Variants in PPIP5K1 observed in about 807,000 individuals in gnomAD.
The protein encoded by PPIP5K1 is diphosphoinositol pentakisphosphate kinase 1.
PPIP5K1 carries 6 observed loss-of-function variants against 27.7 expected under a neutral mutation model. The observed-to-expected ratio is 0.22, with a 90% CI of 0.12 to 0.43. The LOEUF is 0.43. PPIP5K1 is among the 20% of genes least tolerant of loss of function. PPIP5K1 has a pLI of 1.00. For synonymous variants in PPIP5K1, 145 were observed against 242.6 expected (o/e 0.60, Z 3.74); for missense variants, 394 against 635.4 (o/e 0.62, Z 4.08).
Position 43,535,118 on chromosome 15 carries a change from G to C in PPIP5K1, c.4029C>G (p.Ser1343Arg). 1 of 1,613,486 alleles carries C rather than the reference G, an allele frequency of 6.2e-7. No homozygotes were observed. Among genetic ancestry groups the C allele is most frequent in the Non-Finnish European group, 8.5e-7 (1 of 1,179,846 alleles). Reference protein sequence around the residue: ...SQPCQKVPDISQQCQENHDNG... With the variant: ...SQPCQKVPDIRQQCQENHDNG... ...TGTCATGGTTCTCCTGGCATTGCTG[G>C]CTGATGTCAGGGACCTTCTGACATG... Residue 1343 changes from serine (S) to arginine (R), a missense_variant, in exon 32 of 32, where the codon AGC becomes AGG. Physicochemically the swap from Ser to Arg is moderately radical, Grantham distance 110 (BLOSUM62 -1). Coordinates refer to ENST00000420765, the MANE Select transcript of PPIP5K1 (RefSeq NM_001394395.1).
At chr15:43,551,451 G>A (rs1473162649) in intron 30 of PPIP5K1, among the ~76,000 whole-genome samples, 2 of 147,902 alleles carry the variant, frequency 1.4e-5, no homozygotes, top group South Asian at 4.4e-4. Flanking sequence ...GTAGGAGGCA[G>A]AGATTGCAGT....
chr15:43,535,211 G>T lies in PPIP5K1; in HGVS notation c.3936C>A (p.Ser1312Arg). 6.2e-7 allele frequency: 1 copy of T among 1,614,144 alleles called. No individual in the cohort carries two copies. Among genetic ancestry groups the T allele is most frequent in the Non-Finnish European group, 8.5e-7 (1 of 1,180,008 alleles). Residue 1312 changes from serine (S) to arginine (R), a missense_variant, in exon 32 of 32, where the codon AGC becomes AGA. Coordinates refer to ENST00000420765, the MANE Select transcript of PPIP5K1 (RefSeq NM_001394395.1). ...METSQPYEEV[S>R]QPCQEVPDIS... ...TGTCAGGGACCTCCTGACATGGCTG[G>T]CTGACCTCCTCGTATGGCTGGCTGG...
intron 28 of PPIP5K1, among the ~76,000 whole-genome samples, chr15:43,561,392 CT>C (rs549260588): frequency 7.3e-5 from 4 of 55,118 alleles, no homozygotes; most frequent in East Asian, 1.2e-3. Flanking sequence ...TCTAACTGCA[CT>C]TTTTTCAGCT....
intron 31 of PPIP5K1, among the ~76,000 whole-genome samples, chr15:43,535,803 G>A (rs1166494303): frequency 6.6e-6 from 1 of 152,168 alleles, no homozygotes; most frequent in Non-Finnish European, 1.5e-5. Flanking sequence ...TACTTTGGAA[G>A]CATATGAATA....
chr15:43,539,608 AG>A (rs1193276910), intron 30 of PPIP5K1, 25 bp from the exon 31 acceptor site: 1 of 1,432,362 alleles, frequency 7.0e-7, no homozygotes. Flanking sequence ...GGGTGAAGGG[AG>A]AGGGAAGAAA....
At chr15:43,579,423 CGTATGTGT>C (rs1389648469) in intron 10 of PPIP5K1, among the ~76,000 whole-genome samples, 6 of 113,982 alleles carry the variant, frequency 5.3e-5, no homozygotes, top group East Asian at 3.0e-4. Flanking sequence ...CACACACACA[CGTATGTGT>C]ACATACACAC....
chr15:43,536,647 G>T (rs927835779), intron 31 of PPIP5K1, among the ~76,000 whole-genome samples: 1 of 152,086 alleles, frequency 6.6e-6, no homozygotes, highest in Admixed American at 6.6e-5. Flanking sequence ...GAGTTAAGAC[G>T]CTTGTAAGTC....
intron 31 of PPIP5K1, 95 bp from the exon 32 acceptor site, chr15:43,535,571 C>G: frequency 9.9e-7 from 1 of 1,013,942 alleles, no homozygotes; most frequent in Non-Finnish European, 1.4e-6. Flanking sequence ...TTGGCCTATG[C>G]TACTTATGTC....
At position 43,579,653 on chromosome 15, in the gene PPIP5K1, A is replaced by AT. The variant is rs1179725070; in HGVS notation, c.1062-534dup. On this transcript the variant is annotated intron_variant, in intron 10 of 31. Transcript: ENST00000420765. ...TGTGTATATATATATATATATATAT[A>AT]TTTTTTTTTTTTTTTTTTTTTTTTT... Among the ~76,000 whole-genome samples, 164 of 28,790 alleles carry AT rather than the reference A, an allele frequency of 5.7e-3. 22 individuals carry two copies. The highest frequency in any genetic ancestry group is 7.6e-3 in the Non-Finnish European group (154 of 20,146). 18.9% of individuals were successfully genotyped at this position (28,790 alleles called of 152,430 possible).
At position 43,551,851 on chromosome 15, in the gene PPIP5K1, T is replaced by C. The variant is rs544645620; in HGVS notation, c.3556+6944A>G. Reference sequence around the variant, plus strand: ...ATCTCCTGACCTCGTGATCCGCCCATCTCGACCTCCCAAAGTGCTGGGATT... The same window carrying C: ...ATCTCCTGACCTCGTGATCCGCCCACCTCGACCTCCCAAAGTGCTGGGATT... On this transcript the variant is annotated intron_variant, in intron 30 of 31. Transcript: ENST00000420765. Among the ~76,000 whole-genome samples, 282 of 152,102 alleles carry C rather than the reference T, an allele frequency of 1.9e-3. 3 individuals are homozygous for C. The highest frequency in any genetic ancestry group is 2.7e-3 in the Non-Finnish European group (186 of 67,990).
intron 30 of PPIP5K1, among the ~76,000 whole-genome samples, chr15:43,554,979 G>C (rs1024980500): frequency 1.8e-4 from 27 of 151,988 alleles, no homozygotes; most frequent in African/African-American, 6.0e-4. Flanking sequence ...GGGATTACAG[G>C]TGCCTGCCAC....
intron 30 of PPIP5K1, among the ~76,000 whole-genome samples, chr15:43,551,952 G>A (rs1247029251): frequency 6.7e-6 from 1 of 150,172 alleles, no homozygotes; most frequent in Non-Finnish European, 1.5e-5. Context: ...GTGTCATAAA[G>A]TATAAATTAG....
At position 43,535,392 on chromosome 15, in the gene PPIP5K1, C is replaced by A. The variant is rs2079702922; in HGVS notation, c.3755G>T (p.Ser1252Ile). ...TVDGNSQFGF[S>I]DQPSLNSHVA... The stretch of plus-strand genomic sequence containing the variant: ...GTGTGAATTTAGGGAGGGTTGATCA[C>A]TGAAGCCAAATTGGGAGTTACCATC... Residue 1252 changes from serine (S) to isoleucine (I), a missense_variant, in exon 32 of 32, where the codon AGT becomes ATT. Coordinates refer to ENST00000420765, the MANE Select transcript of PPIP5K1 (RefSeq NM_001394395.1). The A allele has an allele frequency of 1.9e-6, 3 of 1,614,026 alleles. No individual in the cohort carries two copies. The East Asian group carries it at 6.7e-5, about 36-fold the overall frequency.
chr15:43,552,699 T>C (rs1268146946), intron 30 of PPIP5K1, among the ~76,000 whole-genome samples: 1 of 147,750 alleles, frequency 6.8e-6, no homozygotes, highest in Non-Finnish European at 1.5e-5. Context: ...AGACCCTGTC[T>C]CAAAAAAAAC....
At chr15:43,559,614 C>A (rs940179255) in intron 29 of PPIP5K1, among the ~76,000 whole-genome samples, 4 of 152,092 alleles carry the variant, frequency 2.6e-5, no homozygotes, top group Non-Finnish European at 4.4e-5. Context: ...TAGGGTCTTT[C>A]TACTTCATCA....
chr15:43,551,201 T>C (rs1477242730), intron 30 of PPIP5K1, among the ~76,000 whole-genome samples: 4 of 152,156 alleles, frequency 2.6e-5, no homozygotes, highest in East Asian at 3.9e-4. Context: ...TTTAGACTTT[T>C]TGTTTTTTGG....
At chr15:43,539,653 C>T (rs1014547964) in intron 30 of PPIP5K1, 70 bp from the exon 31 acceptor site, 15 of 979,796 alleles carry the variant, frequency 1.5e-5, no homozygotes, top group South Asian at 1.3e-4. Flanking sequence ...AGGAGCCACA[C>T]GTTCTCAACA....
In PPIP5K1 at chr15:43,535,046, G is replaced by A; in HGVS notation, c.4101C>T (p.Cys1367=). The stretch of plus-strand genomic sequence containing the variant: ...TCTGGCACAGTTGGCTGGACTTCTG[G>A]CATGGCTGGCTGATGTGAGGGACCT... ...CQEVPHISQP[C]QKSSQLCQKV... is the part of the protein sequence containing the mutation. Residue 1367 remains cysteine (C), a synonymous_variant, in exon 32 of 32, where the codon TGC becomes TGT. Transcript: ENST00000420765. The A allele has an allele frequency of 1.2e-6, 2 of 1,613,606 alleles. No homozygotes were observed. Among genetic ancestry groups the A allele is most frequent in the Non-Finnish European group, 1.7e-6 (2 of 1,179,884 alleles).
At chr15:43,538,805 C>T (rs1412427240) in intron 31 of PPIP5K1, among the ~76,000 whole-genome samples, 1 of 149,876 alleles carries the variant, frequency 6.7e-6, no homozygotes, top group Admixed American at 6.6e-5. Flanking sequence ...AGCCATCATG[C>T]CCGGCCTCCT....
Sources: allele counts gnomAD v4.1 joint callset (sites outside exome capture counted in the v4.1 genomes callset), GRCh38; gene constraint gnomAD v4.1.1; transcripts MANE v1.5; gene names NCBI Gene and HGNC (gene_info 2026-07-23, HGNC 2026-07-21).